AASS: variants seen among roughly 807,000 people sequenced by gnomAD.
The protein encoded by AASS is alpha-aminoadipic semialdehyde synthase, mitochondrial.
AASS carries 86 observed loss-of-function variants against 105.4 expected under a neutral mutation model. That is an observed-to-expected ratio of 0.82 (90% confidence interval 0.69 to 0.98). The LOEUF is 0.98. AASS is among the 50% of genes least tolerant of loss of function. The probability of loss-of-function intolerance (pLI) is 0.00; values close to 1 mark genes in which losing one functional copy is unlikely to be tolerated. For missense variants in AASS, 1,048 were observed against 1,143.2 expected, an observed-to-expected ratio of 0.92 and a Z score of 1.20; for synonymous variants, 381 against 394.8, an observed-to-expected ratio of 0.96 and a Z score of 0.41.
At position 122,076,525 on chromosome 7, in the gene AASS, GC is replaced by G; in HGVS notation, c.2744del (p.Gly915AlafsTer42). The stretch of plus-strand genomic sequence containing the variant: ...TTGTACTCTGTGTAGTATATATAAT[GC>G]CTTCTGCTTTAATTCGCTCCAATAT... The part of the protein sequence containing the change: ...GPILERIKAE[G>X]IIYTTQSTIK... On this transcript the variant is annotated frameshift_variant, in exon 24 of 24. Coordinates refer to ENST00000417368, the MANE Select transcript of AASS (RefSeq NM_005763.4). LOFTEE classifies it high-confidence loss of function. The G allele has an allele frequency of 6.2e-7, 1 of 1,613,676 alleles. No individual in the cohort carries two copies. Among genetic ancestry groups the G allele is most frequent in the Non-Finnish European group, 8.5e-7 (1 of 1,179,656 alleles).
chr7:122,091,788 T>A lies in AASS; in HGVS notation c.1931A>T (p.Asn644Ile). ...CCAGCTAAATTTATATCTCAATGGA[T>A]TGTTTGAATGTTCAGGGGCTGGAAG... ...GGLPAPEHSN[N>I]PLRYKFSWSP... Residue 644 changes from asparagine to isoleucine, a missense_variant, in exon 18 of 24, where the codon AAT becomes ATT. Physicochemically the swap from Asn to Ile is moderately radical, Grantham distance 149 (BLOSUM62 -3). Transcript: ENST00000417368. The A allele has an allele frequency of 6.2e-7, 1 of 1,613,518 alleles. No homozygotes were observed. The highest frequency in any genetic ancestry group is 8.5e-7 in the Non-Finnish European group (1 of 1,179,686).
chr7:122,111,299 T>G (rs1033869957), intron 11 of AASS, among the ~76,000 whole-genome samples: 6 of 152,052 alleles, frequency 3.9e-5, no homozygotes, highest in Non-Finnish European at 7.4e-5. Flanking sequence ...CCAATGGAAA[T>G]TCTAGAACTG....
intron 1 of AASS, among the ~76,000 whole-genome samples, chr7:122,136,344 A>C (rs1796139115): frequency 6.6e-6 from 1 of 152,188 alleles, no homozygotes; most frequent in Non-Finnish European, 1.5e-5. Flanking sequence ...TCCAGCTAAG[A>C]AGGCTTTAGG....
intron 1 of AASS, among the ~76,000 whole-genome samples, chr7:122,138,584 G>T (rs1796255476): frequency 6.6e-6 from 1 of 152,138 alleles, no homozygotes; most frequent in Non-Finnish European, 1.5e-5. Context: ...ACTTGGATAA[G>T]AAGGAACTAC....
At chr7:122,083,660 A>T (rs1793486232) in intron 19 of AASS, among the ~76,000 whole-genome samples, 1 of 152,124 alleles carries the variant, frequency 6.6e-6, no homozygotes, top group Non-Finnish European at 1.5e-5. Flanking sequence ...GGTTAGAGGA[A>T]AACATAGCTG....
chr7:122,086,213 C>T lies in AASS; in HGVS notation c.2017-34G>A, dbSNP rs773899184. ...CATTGAGAAGGCACACATGGGGTTA[C>T]AGCTGTTCCTTTCTTTTAGGGCTTA... is the stretch of plus-strand genomic sequence containing the variant. On this transcript the variant is annotated intron_variant, in intron 18 of 23. Coordinates refer to ENST00000417368, the MANE Select transcript of AASS (RefSeq NM_005763.4). The T allele has an allele frequency of 9.3e-6, 15 of 1,608,954 alleles. No homozygotes were observed. In the African/African-American group the frequency reaches 1.1e-4, roughly 11 times the overall value.
intron 11 of AASS, among the ~76,000 whole-genome samples, chr7:122,112,166 G>A (rs2150533106): frequency 6.6e-6 from 1 of 152,222 alleles, no homozygotes; most frequent in South Asian, 2.1e-4. Flanking sequence ...TTTTATAATG[G>A]ATTTAATGAT....
intron 11 of AASS, among the ~76,000 whole-genome samples, chr7:122,105,390 A>C (rs1010566562): frequency 2.0e-5 from 3 of 152,068 alleles, no homozygotes; most frequent in Admixed American, 6.6e-5. Flanking sequence ...CTAATAGATA[A>C]ATATAGAACT....
rs146072264 is a variant in AASS at position 122,097,799 on chromosome 7, C to G, written c.1655+651G>C. Among the ~76,000 whole-genome samples, 659 of 151,982 alleles carry G rather than the reference C, an allele frequency of 4.3e-3. 4 individuals are homozygous for G. The highest frequency in any genetic ancestry group is 6.7e-3 in the Admixed American group (102 of 15,216). Reference sequence around the variant, plus strand: ...ACTTAAGTATATAAAACATTAATACCTTATGACCTGCAATCCCACTTCTAA... The same window carrying G: ...ACTTAAGTATATAAAACATTAATACGTTATGACCTGCAATCCCACTTCTAA... On this transcript the variant is annotated intron_variant, in intron 15 of 23. Transcript: ENST00000417368.
intron 9 of AASS, among the ~76,000 whole-genome samples, 169 bp from the exon 10 acceptor site, chr7:122,113,889 T>C (rs1467685879): frequency 8.4e-6 from 1 of 119,160 alleles, no homozygotes; most frequent in Non-Finnish European, 1.7e-5. Context: ...TGTTCTGTGA[T>C]ACAGAGAATC....
intron 19 of AASS, 175 bp from the exon 20 acceptor site, chr7:122,081,770 T>C (rs1584809049): frequency 1.7e-6 from 1 of 600,936 alleles, no homozygotes; most frequent in Non-Finnish European, 2.9e-6. Flanking sequence ...CTGTCTTTAC[T>C]AGAAACCCCT....
intron 1 of AASS, among the ~76,000 whole-genome samples, chr7:122,140,130 T>A (rs1796318017): frequency 6.6e-6 from 1 of 152,082 alleles, no homozygotes; most frequent in Non-Finnish European, 1.5e-5. Context: ...ATCAGAATAC[T>A]TTTTAAGCTT....
intron 19 of AASS, 87 bp downstream of exon 19, chr7:122,085,925 A>G: frequency 6.7e-7 from 1 of 1,485,672 alleles, no homozygotes; most frequent in South Asian, 1.2e-5. Context: ...TATCATCTTA[A>G]TTATTTTGAC....
chr7:122,124,867 G>A (rs896206588), intron 4 of AASS, among the ~76,000 whole-genome samples: 1 of 152,150 alleles, frequency 6.6e-6, no homozygotes, highest in African/African-American at 2.4e-5. Context: ...GTTTAATAGA[G>A]CTGATTTGGG....
chr7:122,105,587 T>C (rs778622644), intron 11 of AASS, among the ~76,000 whole-genome samples: 8 of 151,986 alleles, frequency 5.3e-5, no homozygotes, highest in Non-Finnish European at 1.0e-4. Flanking sequence ...CTTTGGAAAC[T>C]ACAAACACAT....
intron 11 of AASS, among the ~76,000 whole-genome samples, chr7:122,106,527 A>G (rs1794671852): frequency 6.6e-6 from 1 of 152,156 alleles, no homozygotes; most frequent in Non-Finnish European, 1.5e-5. Flanking sequence ...TACAGTAACC[A>G]AAACAGCATA....
chr7:122,082,199 G>T (rs1793370327), intron 19 of AASS, among the ~76,000 whole-genome samples: 1 of 152,036 alleles, frequency 6.6e-6, no homozygotes. Flanking sequence ...TTCCTCATAT[G>T]TCCTTCATTG....
intron 15 of AASS, among the ~76,000 whole-genome samples, chr7:122,095,927 T>C (rs1794133703): frequency 6.6e-6 from 1 of 152,192 alleles, no homozygotes; most frequent in African/African-American, 2.4e-5. Context: ...TACTAAGATC[T>C]AATAATATTT....
At position 122,141,332 on chromosome 7, in the gene AASS, A is replaced by G. The variant is rs143251527; in HGVS notation, c.-16+2829T>C. 3.6e-3 allele frequency among the ~76,000 whole-genome samples: 543 copies of G among 152,234 alleles called. 3 individuals are homozygous for G. Among genetic ancestry groups the G allele is most frequent in the Non-Finnish European group, 4.9e-3 (335 of 68,014 alleles). On this transcript the variant is annotated intron_variant, in intron 1 of 23. Coordinates refer to ENST00000417368, the MANE Select transcript of AASS (RefSeq NM_005763.4). ...AAAGTCATCCATAAACATGACACATATTTCTCCTGGTCTCTAGCTTATAAT... is the reference window on the plus strand; with the variant it reads ...AAAGTCATCCATAAACATGACACATGTTTCTCCTGGTCTCTAGCTTATAAT...
Sources: gnomAD v4.1 joint callset for allele counts (sites outside exome capture counted in the v4.1 genomes callset) on GRCh38, gnomAD v4.1.1 for gene constraint, MANE v1.5 for transcripts, NCBI Gene and HGNC (gene_info 2026-07-23, HGNC 2026-07-21) for gene names.